DOCK4: variants seen among roughly 807,000 people sequenced by gnomAD.
DOCK4 encodes dedicator of cytokinesis 4, also known as dedicator of cytokinesis protein 4.
A neutral mutation model predicts 268.1 loss-of-function variants in DOCK4; 97 were observed. The ratio of observed to expected loss-of-function variants is 0.36; its 90% CI spans 0.31 to 0.43. The LOEUF (loss-of-function observed/expected upper bound fraction) is 0.43. Ranked by LOEUF, DOCK4 falls within the 20% of genes least tolerant of loss-of-function variation. The pLI, the probability that DOCK4 is intolerant of heterozygous loss-of-function variation, is 1.00. For synonymous variants in DOCK4, 954 were observed against 887.2 expected (o/e 1.08, Z -1.34); for missense variants, 2,145 against 2,455.7 (o/e 0.87, Z 2.67).
intron 30 of DOCK4, among the ~76,000 whole-genome samples, chr7:111,797,288 G>A (rs926077890): frequency 6.6e-6 from 1 of 152,012 alleles, no homozygotes; most frequent in Non-Finnish European, 1.5e-5. Context: ...CAACTTTCAG[G>A]GGAACCATCT....
intron 37 of DOCK4, among the ~76,000 whole-genome samples, chr7:111,769,085 C>G (rs6951079): frequency 0.1 from 15,348 of 152,160 alleles, 1,979 homozygotes; most frequent in African/African-American, 0.3. Flanking sequence ...GGGCCTTGAT[C>G]TTGAACTTCT....
intron 5 of DOCK4, among the ~76,000 whole-genome samples, chr7:111,991,096 C>T (rs1414167774): frequency 6.6e-6 from 1 of 152,206 alleles, no homozygotes; most frequent in South Asian, 2.1e-4. Flanking sequence ...CACCTGCCTG[C>T]TCTTGGGAAA....
intron 12 of DOCK4, among the ~76,000 whole-genome samples, chr7:111,922,854 T>C (rs1011314006): frequency 6.6e-6 from 1 of 152,190 alleles, no homozygotes; most frequent in Non-Finnish European, 1.5e-5. Context: ...TTGCTGGGAT[T>C]ATAGGTGTGA....
intron 1 of DOCK4, among the ~76,000 whole-genome samples, chr7:112,083,346 C>A (rs1209105800): frequency 2.0e-5 from 3 of 151,832 alleles, no homozygotes; most frequent in Non-Finnish European, 2.9e-5. Context: ...GTAATTTTCC[C>A]CTAGTTGTTC....
At chr7:111,833,300 A>G (rs146787995) in intron 26 of DOCK4, among the ~76,000 whole-genome samples, 2,368 of 152,170 alleles carry the variant, frequency 0.016, 48 homozygotes, top group African/African-American at 0.048. Context: ...TGAGTACTTT[A>G]GGAGGCTGAG....
intron 1 of DOCK4, among the ~76,000 whole-genome samples, chr7:112,077,496 T>A (rs536785407): frequency 6.6e-6 from 1 of 152,256 alleles, no homozygotes; most frequent in Non-Finnish European, 1.5e-5. Flanking sequence ...AAATTACGCA[T>A]CATTTCTACA....
At chr7:111,969,810 AC>A (rs1341342981) in intron 8 of DOCK4, among the ~76,000 whole-genome samples, 7 of 152,170 alleles carry the variant, frequency 4.6e-5, no homozygotes, top group Admixed American at 1.3e-4. Flanking sequence ...TGACTCTATC[AC>A]CATGTAGTAC....
chr7:112,179,578 A>G (rs1426194461), intron 1 of DOCK4, among the ~76,000 whole-genome samples: 1 of 152,044 alleles, frequency 6.6e-6, no homozygotes, highest in Non-Finnish European at 1.5e-5. Context: ...AAGTGAATTA[A>G]ACATGCCTGG....
chr7:112,031,218 T>C (rs1803241854), intron 1 of DOCK4, among the ~76,000 whole-genome samples: 1 of 152,116 alleles, frequency 6.6e-6, no homozygotes, highest in East Asian at 1.9e-4. Context: ...ACCTAGCAAA[T>C]AAGGATGGCC....
At chr7:111,752,312 C>T (rs117123580) in intron 42 of DOCK4, among the ~76,000 whole-genome samples, 1 of 152,044 alleles carries the variant, frequency 6.6e-6, no homozygotes, top group East Asian at 1.9e-4. Flanking sequence ...CTGCCATGTA[C>T]AGAGGAGACT....
At chr7:111,810,452 A>G (rs1801033025) in intron 28 of DOCK4, among the ~76,000 whole-genome samples, 1 of 148,650 alleles carries the variant, frequency 6.7e-6, no homozygotes, top group Non-Finnish European at 1.5e-5. Flanking sequence ...ATTCTGTCTC[A>G]AAACAAAAAA....
intron 1 of DOCK4, among the ~76,000 whole-genome samples, chr7:112,200,725 T>TAAAAA (rs1335683859): frequency 0.28 from 28,700 of 100,722 alleles, 5,657 homozygotes; most frequent in Non-Finnish European, 0.34. Context: ...GCCTCTAAAA[T>TAAAAA]AAAAAAAAAA....
At chr7:111,911,092 G>A (rs1053579555) in intron 13 of DOCK4, among the ~76,000 whole-genome samples, 5 of 152,176 alleles carry the variant, frequency 3.3e-5, no homozygotes, top group Non-Finnish European at 7.3e-5. Flanking sequence ...CGGTGACTGT[G>A]TGCATAAACT....
intron 2 of DOCK4, among the ~76,000 whole-genome samples, chr7:112,001,973 C>G (rs878879408): frequency 6.6e-6 from 1 of 152,016 alleles, no homozygotes; most frequent in African/African-American, 2.4e-5. Flanking sequence ...TGTATTTTTT[C>G]AAGTGTAAAG....
intron 21 of DOCK4, 42 bp downstream of exon 21, chr7:111,869,532 C>T (rs778182015): frequency 1.9e-6 from 3 of 1,584,910 alleles, no homozygotes; most frequent in East Asian, 4.5e-5. Context: ...CAGCATGCAA[C>T]AGCTTTGTTA....
At chr7:112,102,004 A>G (rs194592) in intron 1 of DOCK4, among the ~76,000 whole-genome samples, 48,301 of 151,812 alleles carry the variant, frequency 0.32, 8,228 homozygotes, top group Non-Finnish European at 0.38. Flanking sequence ...CACCACGCCC[A>G]GCTAATTTTA....
Position 112,083,069 on chromosome 7 carries a change from A to T in DOCK4, c.38-78938T>A, listed in dbSNP as rs181704713. On this transcript the variant is annotated intron_variant, in intron 1 of 52. Transcript: ENST00000428084. ...AATTGTAGCCCCAAATAAATATTCT[A>T]ATTTTAATAATGTACTTCTTTTCAG... Among the ~76,000 whole-genome samples, 816 of 152,240 alleles carry T rather than the reference A, an allele frequency of 5.4e-3. 7 individuals are homozygous for T. The highest frequency in any genetic ancestry group is 0.019 in the African/African-American group (770 of 41,568).
At chr7:111,791,754 T>C (rs770841978) in intron 30 of DOCK4, among the ~76,000 whole-genome samples, 43 of 151,956 alleles carry the variant, frequency 2.8e-4, no homozygotes, top group Non-Finnish European at 5.4e-4. Flanking sequence ...AGCCTGTTTT[T>C]TAAAAAATAG....
At chr7:112,198,379 T>C (rs976876273) in intron 1 of DOCK4, among the ~76,000 whole-genome samples, 1 of 152,172 alleles carries the variant, frequency 6.6e-6, no homozygotes, top group African/African-American at 2.4e-5. Context: ...GAAACAAATT[T>C]CTTTTGTTTA....
Sources: gnomAD v4.1 joint callset for allele counts (sites outside exome capture counted in the v4.1 genomes callset) on GRCh38, gnomAD v4.1.1 for gene constraint, MANE v1.5 for transcripts, NCBI Gene and HGNC (gene_info 2026-07-23, HGNC 2026-07-21) for gene names.